Variants in C2CD2L observed in about 807,000 individuals in gnomAD.
C2CD2L encodes phospholipid transfer protein C2CD2L.
In C2CD2L, 24 loss-of-function variants were observed where a neutral mutation model predicts 69.9. That is an observed-to-expected ratio of 0.34 (90% confidence interval 0.25 to 0.48). The LOEUF is 0.48. Ranked by LOEUF, C2CD2L falls within the 20% of genes least tolerant of loss-of-function variation. The pLI, the probability that C2CD2L is intolerant of heterozygous loss-of-function variation, is 0.99. For missense variants in C2CD2L, 811 were observed against 941.5 expected (o/e 0.86, Z 1.81); for synonymous variants, 367 against 391.0 (o/e 0.94, Z 0.72).
rs1946904950 is a variant in C2CD2L at position 119,116,821 on chromosome 11, T to C, written c.*565T>C. On this transcript the variant is annotated 3_prime_UTR_variant, in exon 14 of 14. Coordinates refer to ENST00000648610, the MANE Select transcript of C2CD2L (RefSeq NM_001290474.2). Reference sequence around the variant, plus strand: ...CACAGAGAGCAGGGCCGGCCCGGGATGGGGGGCAGGTACTCCCCACCTTCC... The same window carrying C: ...CACAGAGAGCAGGGCCGGCCCGGGACGGGGGGCAGGTACTCCCCACCTTCC... 1 of 153,274 alleles carries C rather than the reference T, an allele frequency of 6.5e-6. No individual in the cohort carries two copies. The highest frequency in any genetic ancestry group is 1.5e-5 in the Non-Finnish European group (1 of 68,492). 9.5% of individuals were successfully genotyped at this position (153,274 alleles called of 1,614,324 possible). A position where few individuals can be genotyped will look rare whatever the true frequency, so the allele number is the denominator to read the frequency against.
Position 119,110,768 on chromosome 11 carries a change from CAGGA to C in C2CD2L, c.571-75_571-72del. The C allele has an allele frequency of 1.2e-6, 2 of 1,606,048 alleles. No individual in the cohort carries two copies. The highest frequency in any genetic ancestry group is 8.5e-7 in the Non-Finnish European group (1 of 1,174,022). On this transcript the variant is annotated intron_variant, in intron 3 of 13. Transcript: ENST00000648610. This position sits in a 1 kb window ranked among gnomAD's most constrained non-coding sequence, Gnocchi z 5.7. Reference sequence around the variant, plus strand: ...TTTGTTTCCTCTCTGGGATGGAATTCAGGAAGGGAGAGTCCTCGAATTAGGAGTC... The same window carrying C: ...TTTGTTTCCTCTCTGGGATGGAATTCAGGGAGAGTCCTCGAATTAGGAGTC...
upstream of C2CD2L, chr11:119,107,128 T>G (rs1478703136): frequency 6.6e-6 from 1 of 152,224 alleles, no homozygotes; most frequent in Non-Finnish European, 1.5e-5. This position sits in a 1 kb window ranked among gnomAD's most constrained non-coding sequence, Gnocchi z 5.4. Context: ...GCATCTTAGG[T>G]AAGTGAAGTT....
At chr11:119,113,547 G>A in intron 10 of C2CD2L, 64 bp from the exon 11 acceptor site, 1 of 1,540,682 alleles carries the variant, frequency 6.5e-7, no homozygotes, top group Non-Finnish European at 8.7e-7. Flanking sequence ...TCTCAACAAA[G>A]ACAGTAGGGG....
Position 119,112,757 on chromosome 11 carries a change from C to T in C2CD2L, c.1270C>T (p.Arg424Cys), listed in dbSNP as rs202229214. The T allele has an allele frequency of 1.0e-4, 168 of 1,613,958 alleles. No homozygotes were observed. The highest frequency in any genetic ancestry group is 6.7e-5 in the Admixed American group (4 of 59,998). ...NLGTPTSSTP[R>C]PSITPTKKIE... ...GGGTACTCCCACCTCCTCCACTCCA[C>T]GCCCCAGCATCACACCTACCAAGAA... Residue 424 changes from arginine to cysteine, a missense_variant, in exon 10 of 14, where the codon CGC becomes TGC. Transcript: ENST00000648610.
chr11:119,109,050 A>C lies in C2CD2L; in HGVS notation c.354+955A>C, dbSNP rs1463200508. The stretch of plus-strand genomic sequence containing the variant: ...CACCTTGAACCCACCTCTTCATCCA[A>C]CTCTCCCTGTACCTTGTCCCTCGGT... On this transcript the variant is annotated intron_variant, in intron 1 of 13. Transcript: ENST00000648610. This position sits in a 1 kb window ranked among gnomAD's most constrained non-coding sequence, Gnocchi z 5.1. 7.9e-5 allele frequency among the ~76,000 whole-genome samples: 12 copies of C among 151,672 alleles called. No homozygotes were observed. Among genetic ancestry groups the C allele is most frequent in the Admixed American group, 7.9e-4 (12 of 15,228 alleles).
intron 1 of C2CD2L, 109 bp downstream of exon 1, chr11:119,108,204 C>A: frequency 1.5e-6 from 1 of 659,652 alleles, no homozygotes. Flanking sequence ...CTGGGGAACC[C>A]TATGGCTTCT....
rs77672284 is a variant in C2CD2L, at chr11:119,110,553, G to A, written c.451-8G>A. ...TCCCCCACATCTGACCCACCTCGCC[G>A]GTCTCAGGTGCTGCGTTGCCAGCTC... On this transcript the variant is annotated splice_region_variant and splice_polypyrimidine_tract_variant and intron_variant, in intron 2 of 13. Coordinates refer to ENST00000648610, the MANE Select transcript of C2CD2L (RefSeq NM_001290474.2). This position sits in a 1 kb window ranked among gnomAD's most constrained non-coding sequence, Gnocchi z 5.7. 1.1e-3 allele frequency: 1,803 copies of A among 1,605,886 alleles called. 18 individuals carry two copies. The African/African-American group carries it at 0.021, about 18-fold the overall frequency.
chr11:119,107,551 C>T lies in C2CD2L; in HGVS notation c.-191C>T, dbSNP rs376192803. ...CACGGAGACAGAGACCCCGGCATCG[C>T]GACCCCCGAGGACCTCCTCTCCTCG... On this transcript the variant is annotated 5_prime_UTR_variant, in exon 1 of 14. Coordinates refer to ENST00000648610, the MANE Select transcript of C2CD2L (RefSeq NM_001290474.2). This position sits in a 1 kb window ranked among gnomAD's most constrained non-coding sequence, Gnocchi z 5.4. 24 of 416,670 alleles carry T rather than the reference C, an allele frequency of 5.8e-5. No homozygotes were observed. Among genetic ancestry groups the T allele is most frequent in the African/African-American group, 4.4e-4 (21 of 47,958 alleles). 25.8% of individuals were successfully genotyped at this position (416,670 alleles called of 1,614,324 possible). A position where few individuals can be genotyped will look rare whatever the true frequency, so the allele number is the denominator to read the frequency against.
In C2CD2L at chr11:119,114,234, G is replaced by T; in HGVS notation, c.1778G>T (p.Ser593Ile). Reference sequence around the variant, plus strand: ...CCAGGACCGCTAGATGCCCTCTCTAGTCCCACAAGTGTCCAGGAAGCAGAC... The same window carrying T: ...CCAGGACCGCTAGATGCCCTCTCTATTCCCACAAGTGTCCAGGAAGCAGAC... ...MSPGPLDALS[S>I]PTSVQEADET... The change falls in exon 13 of 14, where the codon AGT becomes ATT. Residue 593 changes from serine to isoleucine, a missense_variant. By Grantham distance (142) the Ser-to-Ile change is moderately radical (BLOSUM62 -2). Coordinates refer to ENST00000648610, the MANE Select transcript of C2CD2L (RefSeq NM_001290474.2). The surrounding 1 kb of genome is among the most constrained non-coding windows in gnomAD (Gnocchi z 5.1). The T allele has an allele frequency of 6.2e-7, 1 of 1,614,164 alleles. No homozygotes were observed. The highest frequency in any genetic ancestry group is 8.5e-7 in the Non-Finnish European group (1 of 1,180,026).
rs1436026835 is a variant in C2CD2L at position 119,118,110 on chromosome 11, T to TG, written c.*1860dup. 1 of 152,132 alleles carries TG rather than the reference T, an allele frequency of 6.6e-6. No individual in the cohort carries two copies. The highest frequency in any genetic ancestry group is 1.5e-5 in the Non-Finnish European group (1 of 68,014). The allele number at this position is 152,132 out of a possible 1,614,324, so 9.4% of individuals were successfully genotyped here. ...ATTAGATAATTTAGTTTTATATATT[T>TG]GGGGGGACAAGTGCAGGTTTCTTAC... On this transcript the variant is annotated 3_prime_UTR_variant, in exon 14 of 14. Transcript: ENST00000648610.
chr11:119,116,278 C>A lies in C2CD2L; in HGVS notation c.*22C>A. The stretch of plus-strand genomic sequence containing the variant: ...CTGAGGACCCAGCTCTGAAAGGGCA[C>A]GAGTTCTCTCAGCCCATTCCCCACC... On this transcript the variant is annotated 3_prime_UTR_variant, in exon 14 of 14. Coordinates refer to ENST00000648610, the MANE Select transcript of C2CD2L (RefSeq NM_001290474.2). 1 of 1,563,668 alleles carries A rather than the reference C, an allele frequency of 6.4e-7. No homozygotes were observed. Among genetic ancestry groups the A allele is most frequent in the Non-Finnish European group, 8.8e-7 (1 of 1,134,478 alleles).
At position 119,111,778 on chromosome 11, in the gene C2CD2L, T is replaced by C. The variant is rs74904545; in HGVS notation, c.1019+149T>C. The C allele has an allele frequency of 2.7e-3, 1,667 of 612,756 alleles. 18 individuals are homozygous for C. The highest frequency in any genetic ancestry group is 0.026 in the African/African-American group (1,420 of 54,118). The allele number at this position is 612,756 out of a possible 1,614,324, so 38.0% of individuals were successfully genotyped here. A position where few individuals can be genotyped will look rare whatever the true frequency, so the allele number is the denominator to read the frequency against. On this transcript the variant is annotated intron_variant, in intron 7 of 13. Coordinates refer to ENST00000648610, the MANE Select transcript of C2CD2L (RefSeq NM_001290474.2). ...CAGGCCCTGGCGTGGGTCTTAGGGA[T>C]ACAGACTTGACCAAGATACAGCCCC...
chr11:119,114,317 A>T lies in C2CD2L; in HGVS notation c.1861A>T (p.Thr621Ser). ...RPSVDDIESE[T>S]GSTGALETRS... is the part of the protein sequence containing the mutation. ...ATCTGTGGATGATATTGAGTCGGAA[A>T]CGGGGTCCACTGGTGCCCTGGAGAC... Residue 621 changes from threonine (T) to serine (S), a missense_variant, in exon 13 of 14, where the codon ACG becomes TCG. Transcript: ENST00000648610. The surrounding 1 kb of genome is among the most constrained non-coding windows in gnomAD (Gnocchi z 5.1). 6.2e-7 allele frequency: 1 copy of T among 1,614,168 alleles called. No individual in the cohort carries two copies. The highest frequency in any genetic ancestry group is 8.5e-7 in the Non-Finnish European group (1 of 1,180,014).
At position 119,110,441 on chromosome 11, in the gene C2CD2L, C is replaced by G; in HGVS notation, c.451-120C>G. On this transcript the variant is annotated intron_variant, in intron 2 of 13. Coordinates refer to ENST00000648610, the MANE Select transcript of C2CD2L (RefSeq NM_001290474.2). This position sits in a 1 kb window ranked among gnomAD's most constrained non-coding sequence, Gnocchi z 5.7. ...CTGATTCTTTTAGGGATTTATGATC[C>G]TGAAAACATGAAGTCCTTAGGAAAA... 8.3e-7 allele frequency: 1 copy of G among 1,202,514 alleles called. No homozygotes were observed. The highest frequency in any genetic ancestry group is 1.6e-5 in the South Asian group (1 of 64,262). The allele number at this position is 1,202,514 out of a possible 1,614,324, so 74.5% of individuals were successfully genotyped here. A position where few individuals can be genotyped will look rare whatever the true frequency, so the allele number is the denominator to read the frequency against.
At position 119,113,998 on chromosome 11, in the gene C2CD2L, C is replaced by T; in HGVS notation, c.1623+10C>T. ...CTCTGGTGTTTCCAAGGTAACAGGGCTCTGGGGAGAGGAGCTGGGATGGGG... is the reference window on the plus strand; with the variant it reads ...CTCTGGTGTTTCCAAGGTAACAGGGTTCTGGGGAGAGGAGCTGGGATGGGG... On this transcript the variant is annotated intron_variant, in intron 12 of 13. Coordinates refer to ENST00000648610, the MANE Select transcript of C2CD2L (RefSeq NM_001290474.2). 1 of 1,613,874 alleles carries T rather than the reference C, an allele frequency of 6.2e-7. No homozygotes were observed. Among genetic ancestry groups the T allele is most frequent in the Non-Finnish European group, 8.5e-7 (1 of 1,179,768 alleles).
chr11:119,111,891 T>A, intron 7 of C2CD2L: 1 of 484,012 alleles, frequency 2.1e-6, no homozygotes, highest in Non-Finnish European at 3.7e-6. Flanking sequence ...TTATGTAATG[T>A]GCCGTCAGAG....
chr11:119,108,542 C>T (rs751058901), intron 1 of C2CD2L, among the ~76,000 whole-genome samples: 20 of 152,190 alleles, frequency 1.3e-4, no homozygotes, highest in Non-Finnish European at 2.8e-4. Flanking sequence ...CCCCCCTACC[C>T]GACAGTAATT....
Position 119,111,252 on chromosome 11 carries a change from T to C in C2CD2L, c.799-11T>C, listed in dbSNP as rs529726952. On this transcript the variant is annotated splice_polypyrimidine_tract_variant and intron_variant, in intron 5 of 13. Transcript: ENST00000648610. ...AGGATTCTTGCTCTTTGGACCTTCT[T>C]CTGCTCTTAGGTACCCAGTGAGAAG... The C allele has an allele frequency of 6.2e-7, 1 of 1,613,714 alleles. No homozygotes were observed. Among genetic ancestry groups the C allele is most frequent in the Non-Finnish European group, 8.5e-7 (1 of 1,179,624 alleles).
chr11:119,107,544 G>C lies in C2CD2L; in HGVS notation c.-198G>C, dbSNP rs1465287807. The C allele has an allele frequency of 4.8e-6, 2 of 412,976 alleles. No homozygotes were observed. The highest frequency in any genetic ancestry group is 3.8e-5 in the East Asian group (1 of 26,290). The allele number at this position is 412,976 out of a possible 1,614,324, so 25.6% of individuals were successfully genotyped here. A position where few individuals can be genotyped will look rare whatever the true frequency, so the allele number is the denominator to read the frequency against. ...CCCGGACCACGGAGACAGAGACCCC[G>C]GCATCGCGACCCCCGAGGACCTCCT... On this transcript the variant is annotated 5_prime_UTR_variant, in exon 1 of 14. Transcript: ENST00000648610. This position sits in a 1 kb window ranked among gnomAD's most constrained non-coding sequence, Gnocchi z 5.4.
Sources: allele counts gnomAD v4.1 joint callset (sites outside exome capture counted in the v4.1 genomes callset), GRCh38; gene constraint gnomAD v4.1.1; non-coding constraint Gnocchi (gnomAD v3.1); transcripts MANE v1.5; gene names NCBI Gene and HGNC (gene_info 2026-07-23, HGNC 2026-07-21).